MEI4: variants seen among roughly 807,000 people sequenced by gnomAD.
MEI4 encodes the protein meiotic double-stranded break formation protein 4.
In MEI4, 27 loss-of-function variants were observed where a neutral mutation model predicts 31.4. That is an observed-to-expected ratio of 0.86 (90% CI 0.63 to 1.19). The LOEUF (loss-of-function observed/expected upper bound fraction) is 1.19. Among genes scored for constraint, MEI4 ranks in the 50% most tolerant of loss-of-function variants. MEI4 has a pLI of 0.00. For synonymous variants in MEI4, 122 were observed against 145.4 expected (o/e 0.84, Z 1.16); for missense variants, 329 against 398.9 (o/e 0.82, Z 1.49).
intron 3 of MEI4, among the ~76,000 whole-genome samples, chr6:77,767,588 T>A (rs1768207515): frequency 6.6e-6 from 1 of 151,754 alleles, no homozygotes; most frequent in African/African-American, 2.4e-5. Flanking sequence ...TCCCAGCTAC[T>A]CACGAGTCTG....
intron 4 of MEI4, among the ~76,000 whole-genome samples, chr6:77,851,146 G>A (rs1417623974): frequency 6.6e-6 from 1 of 152,128 alleles, no homozygotes; most frequent in African/African-American, 2.4e-5. Context: ...AACAGGTGCT[G>A]GAGAGGATGT....
intron 3 of MEI4, among the ~76,000 whole-genome samples, chr6:77,797,612 C>A (rs1341365379): frequency 6.6e-6 from 1 of 152,036 alleles, no homozygotes; most frequent in African/African-American, 2.4e-5. Flanking sequence ...TGATGTAAAT[C>A]CAGGAGTCCA....
At chr6:77,747,666 T>G (rs191681234) in intron 2 of MEI4, among the ~76,000 whole-genome samples, 2 of 152,260 alleles carry the variant, frequency 1.3e-5, no homozygotes, top group Non-Finnish European at 2.9e-5. Context: ...CAAACCATAT[T>G]ATTCCACCAC....
chr6:77,890,926 G>T (rs1247819428), intron 4 of MEI4, among the ~76,000 whole-genome samples: 1 of 152,164 alleles, frequency 6.6e-6, no homozygotes, highest in Non-Finnish European at 1.5e-5. Context: ...CACCATGATT[G>T]TAAGTTTTCT....
At chr6:77,898,028 T>C (rs1766119056) in intron 4 of MEI4, among the ~76,000 whole-genome samples, 1 of 152,060 alleles carries the variant, frequency 6.6e-6, no homozygotes, top group South Asian at 2.1e-4. Context: ...TGATTTTATG[T>C]ATGTAAGTAT....
Position 77,757,923 on chromosome 6 carries a change from C to T in MEI4, c.233-3207C>T, listed in dbSNP as rs1171944418. Among the ~76,000 whole-genome samples the T allele has an allele frequency of 7.2e-5, 11 of 151,926 alleles. No homozygotes were observed. In the South Asian group the frequency reaches 8.3e-4, roughly 11 times the overall value. On this transcript the variant is annotated intron_variant, in intron 2 of 4. Transcript: ENST00000684080. ...CTGTAATCCCAGCACTTTGGGAGGC[C>T]GAGGCGGGTGGATCACAGGGTCAAG...
At chr6:77,805,201 C>G (rs1016187016) in intron 3 of MEI4, among the ~76,000 whole-genome samples, 15 of 151,850 alleles carry the variant, frequency 9.9e-5, no homozygotes, top group African/African-American at 3.4e-4. Context: ...ATAAGAATTC[C>G]TTCCCACCAT....
In MEI4 at chr6:77,862,523, G is replaced by A. The variant is rs536423147; in HGVS notation, c.900+33461G>A. Among the ~76,000 whole-genome samples, 605 of 152,306 alleles carry A rather than the reference G, an allele frequency of 4.0e-3. 5 individuals carry two copies. The highest frequency in any genetic ancestry group is 7.5e-3 in the Admixed American group (115 of 15,302). Reference sequence around the variant, plus strand: ...AAACTGCAAGGTGGCAGCGATGCTGGGGGAGGGGCACCTGCCATTGCACCG... The same window carrying A: ...AAACTGCAAGGTGGCAGCGATGCTGAGGGAGGGGCACCTGCCATTGCACCG... On this transcript the variant is annotated intron_variant, in intron 4 of 4. Coordinates refer to ENST00000684080, the MANE Select transcript of MEI4 (RefSeq NM_001322247.2).
chr6:77,700,864 G>T (rs895521383), intron 2 of MEI4, among the ~76,000 whole-genome samples: 3 of 151,998 alleles, frequency 2.0e-5, no homozygotes, highest in Non-Finnish European at 4.4e-5. Flanking sequence ...TATAGGGGAG[G>T]GATAAAGAGA....
At chr6:77,805,102 A>G (rs1413999528) in intron 3 of MEI4, among the ~76,000 whole-genome samples, 1 of 152,184 alleles carries the variant, frequency 6.6e-6, no homozygotes. Flanking sequence ...TTTATATTGG[A>G]TGATAAAGAT....
intron 4 of MEI4, among the ~76,000 whole-genome samples, chr6:77,849,665 C>G (rs1770569594): frequency 6.6e-6 from 1 of 152,130 alleles, no homozygotes; most frequent in Non-Finnish European, 1.5e-5. Flanking sequence ...AAAACCGATT[C>G]TTTCCAGTCT....
Position 77,699,189 on chromosome 6 carries a change from C to CTTT in MEI4, c.232+8302_232+8304dup, listed in dbSNP as rs70974682. On this transcript the variant is annotated intron_variant, in intron 2 of 4. Coordinates refer to ENST00000684080, the MANE Select transcript of MEI4 (RefSeq NM_001322247.2). ...TTCGTCTAATTTTTTTTCAAAGTTTCTTTTTTTTTTTTTTTTTTGAGACGG... is the reference window on the plus strand; with the variant it reads ...TTCGTCTAATTTTTTTTCAAAGTTTCTTTTTTTTTTTTTTTTTTTTTGAGACGG... Among the ~76,000 whole-genome samples, 904 of 113,766 alleles carry CTTT rather than the reference C, an allele frequency of 7.9e-3. 30 individuals carry two copies. The highest frequency in any genetic ancestry group is 0.011 in the Non-Finnish European group (644 of 59,178). 74.6% of individuals were successfully genotyped at this position (113,766 alleles called of 152,430 possible).
chr6:77,688,533 A>G (rs775542828), intron 1 of MEI4, among the ~76,000 whole-genome samples: 1 of 152,148 alleles, frequency 6.6e-6, no homozygotes, highest in Non-Finnish European at 1.5e-5. Flanking sequence ...GCAACAACTT[A>G]AAAATCAGAA....
chr6:77,776,503 C>T (rs1416086397), intron 3 of MEI4, among the ~76,000 whole-genome samples: 1 of 152,128 alleles, frequency 6.6e-6, no homozygotes, highest in African/African-American at 2.4e-5. Context: ...GGGAACTTTT[C>T]TCCTCATTCT....
chr6:77,914,547 C>T (rs923153814), intron 4 of MEI4, among the ~76,000 whole-genome samples: 9 of 151,974 alleles, frequency 5.9e-5, no homozygotes, highest in Non-Finnish European at 1.2e-4. Context: ...ATAAGAATAA[C>T]TTATATTCAT....
intron 4 of MEI4, among the ~76,000 whole-genome samples, chr6:77,874,375 T>G (rs1771277238): frequency 6.6e-6 from 1 of 152,230 alleles, no homozygotes. Context: ...CAATTGTGAA[T>G]GGGAATTCAC....
intron 3 of MEI4, among the ~76,000 whole-genome samples, chr6:77,797,657 T>C (rs773264689): frequency 6.6e-6 from 1 of 151,982 alleles, no homozygotes; most frequent in Non-Finnish European, 1.5e-5. Flanking sequence ...TGTCCAAGGG[T>C]AGGAGGAACA....
chr6:77,882,193 G>C (rs1771504660), intron 4 of MEI4, among the ~76,000 whole-genome samples: 1 of 152,170 alleles, frequency 6.6e-6, no homozygotes, highest in South Asian at 2.1e-4. Context: ...AGGTCTGGAA[G>C]AGTCCTGAAC....
intron 2 of MEI4, among the ~76,000 whole-genome samples, chr6:77,705,769 G>C (rs1158810496): frequency 2.0e-5 from 3 of 152,138 alleles, no homozygotes; most frequent in African/African-American, 7.2e-5. Context: ...TGAATTTCCT[G>C]TTACAAAAAC....
Sources: gnomAD v4.1 joint callset for allele counts (sites outside exome capture counted in the v4.1 genomes callset) on GRCh38, gnomAD v4.1.1 for gene constraint, MANE v1.5 for transcripts, NCBI Gene and HGNC (gene_info 2026-07-23, HGNC 2026-07-21) for gene names.